HECW2: variants seen among roughly 807,000 people sequenced by gnomAD.
HECW2 encodes HECT, C2 and WW domain containing E3 ubiquitin protein ligase 2.
A neutral mutation model predicts 175.2 loss-of-function variants in HECW2; 61 were observed. The ratio of observed to expected loss-of-function variants is 0.35; its 90% CI spans 0.28 to 0.43. The LOEUF is 0.43. HECW2 is among the 20% of genes least tolerant of loss of function. The pLI, the probability that HECW2 is intolerant of heterozygous loss-of-function variation, is 1.00. For synonymous variants in HECW2, 671 were observed against 731.0 expected (o/e 0.92, Z 1.32); for missense variants, 1,524 against 2,000.5 (o/e 0.76, Z 4.54).
chr2:196,540,969 T>G (rs1371591669), intron 1 of HECW2, among the ~76,000 whole-genome samples: 1 of 152,204 alleles, frequency 6.6e-6, no homozygotes, highest in Non-Finnish European at 1.5e-5. Context: ...GCCAAGAGAC[T>G]GAACATAAAG....
chr2:196,244,259 G>A (rs1380769584), intron 19 of HECW2, among the ~76,000 whole-genome samples: 3 of 152,168 alleles, frequency 2.0e-5, no homozygotes, highest in Non-Finnish European at 2.9e-5. Flanking sequence ...TCCTGAACTA[G>A]GTATACAGAC....
In HECW2 at chr2:196,334,416, G is replaced by A. The variant is rs370169067; in HGVS notation, c.495+8C>T. On this transcript the variant is annotated splice_region_variant and intron_variant, in intron 4 of 28. Transcript: ENST00000644978. ...CTCACAAGGAAGCTGGCAGCGAGGG[G>A]CACTCACCATCACAGCTGGGTTCTT... The A allele has an allele frequency of 1.3e-4, 206 of 1,598,342 alleles. No homozygotes were observed. The highest frequency in any genetic ancestry group is 1.7e-4 in the Non-Finnish European group (194 of 1,171,532).
chr2:196,418,485 G>T (rs1376161310), intron 2 of HECW2, among the ~76,000 whole-genome samples: 53 of 152,060 alleles, frequency 3.5e-4, no homozygotes. Context: ...TGTACTAGAG[G>T]TATAATAACT....
intron 26 of HECW2, 151 bp downstream of exon 26, chr2:196,219,888 T>A (rs1029264052): frequency 1.2e-4 from 76 of 609,556 alleles, no homozygotes; most frequent in Middle Eastern, 4.2e-4. Context: ...AAGAAGAGAA[T>A]GTACCTTGCC....
chr2:196,525,441 T>C (rs1486039453), intron 1 of HECW2, among the ~76,000 whole-genome samples: 27 of 149,864 alleles, frequency 1.8e-4, no homozygotes, highest in Non-Finnish European at 2.7e-4. Context: ...AATTTGCCAG[T>C]CTGTGTCTTT....
intron 1 of HECW2, among the ~76,000 whole-genome samples, chr2:196,551,709 T>C (rs1209975706): frequency 1.3e-5 from 2 of 152,224 alleles, no homozygotes; most frequent in Admixed American, 6.5e-5. Flanking sequence ...AACATGACTA[T>C]TAATTTCTTT....
chr2:196,462,905 T>G (rs1361625994), intron 1 of HECW2, among the ~76,000 whole-genome samples: 3 of 152,110 alleles, frequency 2.0e-5, no homozygotes, highest in Non-Finnish European at 4.4e-5. Flanking sequence ...TCTCACTTAT[T>G]CATTATCCCC....
rs1446047038 is a variant in HECW2 at position 196,307,938 on chromosome 2, C to T, written c.2582G>A (p.Arg861Gln). 2.6e-6 allele frequency: 4 copies of T among 1,536,522 alleles called. No individual in the cohort carries two copies. The highest frequency in any genetic ancestry group is 2.3e-5 in the East Asian group (1 of 43,004). ...ACAGCAAAATGTTCATCCTCACCGC[C>T]GGTTCAGCTGCTCCATTTGCTGTAT... is the stretch of plus-strand genomic sequence containing the variant. ...NSIQQMEQLN[R>Q]RYQSIRRTMT... The change falls in exon 11 of 29, where the codon CGG (arginine) becomes CAG (glutamine). Residue 861 changes from arginine to glutamine, a missense_variant. Physicochemically the swap from Arg to Gln is conservative, Grantham distance 43. Coordinates refer to ENST00000644978, the MANE Select transcript of HECW2 (RefSeq NM_001348768.2).
intron 1 of HECW2, among the ~76,000 whole-genome samples, chr2:196,464,494 C>T (rs1419221676): frequency 6.6e-6 from 1 of 152,132 alleles, no homozygotes; most frequent in Non-Finnish European, 1.5e-5. Flanking sequence ...ACATTCAATC[C>T]TCTTTCTACT....
chr2:196,245,393 A>G (rs1291755352), intron 19 of HECW2, among the ~76,000 whole-genome samples: 1 of 152,212 alleles, frequency 6.6e-6, no homozygotes, highest in African/African-American at 2.4e-5. Context: ...ATTTGAGCCA[A>G]GTCTATCTAC....
rs1428435271 is a variant in HECW2 at position 196,195,881 on chromosome 2, T to C, written c.*5396A>G. The C allele has an allele frequency of 6.6e-6, 1 of 152,174 alleles. No individual in the cohort carries two copies. The highest frequency in any genetic ancestry group is 1.5e-5 in the Non-Finnish European group (1 of 68,024). The allele number at this position is 152,174 out of a possible 1,614,324, so 9.4% of individuals were successfully genotyped here. A position where few individuals can be genotyped will look rare whatever the true frequency, so the allele number is the denominator to read the frequency against. ...AAATTCCACTTTGCAATACAGAAAA[T>C]GTTAAATTACTGAAGTTATAAAATG... is the stretch of plus-strand genomic sequence containing the variant. On this transcript the variant is annotated 3_prime_UTR_variant, in exon 29 of 29. Transcript: ENST00000644978.
Position 196,412,982 on chromosome 2 carries a change from C to T in HECW2, c.292+20150G>A, listed in dbSNP as rs530929335. Among the ~76,000 whole-genome samples, 12 of 152,294 alleles carry T rather than the reference C, an allele frequency of 7.9e-5. No individual in the cohort carries two copies. In the South Asian group the frequency reaches 2.3e-3, roughly 29 times the overall value. On this transcript the variant is annotated intron_variant, in intron 2 of 28. Coordinates refer to ENST00000644978, the MANE Select transcript of HECW2 (RefSeq NM_001348768.2). ...GTAAGCAACTTAACCTGTTAACTTC[C>T]TCCTCTGGTTCCCACCATCAGGTGG...
At chr2:196,250,080 C>T (rs749780233) in intron 19 of HECW2, among the ~76,000 whole-genome samples, 3 of 152,072 alleles carry the variant, frequency 2.0e-5, no homozygotes, top group South Asian at 4.2e-4. Flanking sequence ...TTAAAGAGCA[C>T]GGAAGGGGCA....
At chr2:196,334,244 G>A (rs941074089) in intron 4 of HECW2, among the ~76,000 whole-genome samples, 180 bp downstream of exon 4, 3 of 152,140 alleles carry the variant, frequency 2.0e-5, no homozygotes, top group Non-Finnish European at 2.9e-5. Context: ...CCACTGATTC[G>A]AATTAGGGAT....
At chr2:196,303,538 G>A (rs1014058731) in intron 13 of HECW2, among the ~76,000 whole-genome samples, 14 of 151,942 alleles carry the variant, frequency 9.2e-5, no homozygotes, top group Non-Finnish European at 1.6e-4. Flanking sequence ...ATCTGATCCC[G>A]GGCTTTTTTT....
chr2:196,549,326 T>C (rs1323368534), intron 1 of HECW2, among the ~76,000 whole-genome samples: 1 of 152,248 alleles, frequency 6.6e-6, no homozygotes, highest in Non-Finnish European at 1.5e-5. Context: ...GGTCTCACTA[T>C]CGTTACTTTA....
chr2:196,376,028 A>G (rs1694042320), intron 2 of HECW2, among the ~76,000 whole-genome samples: 2 of 152,212 alleles, frequency 1.3e-5, no homozygotes, highest in Admixed American at 6.5e-5. Context: ...CAGGCTCAGA[A>G]CCACGTTTTA....
chr2:196,472,037 T>C (rs921470879), intron 1 of HECW2, among the ~76,000 whole-genome samples: 1 of 149,540 alleles, frequency 6.7e-6, no homozygotes, highest in Non-Finnish European at 1.5e-5. Flanking sequence ...GACGAATGGA[T>C]ATACTGTGGC....
In HECW2 at chr2:196,278,671, C is replaced by T; in HGVS notation, c.3001-9G>A. ...TGGTCCACAAAGAATGCCTAGGATA[C>T]AATACACTGAGTCAAATACATGCCG... On this transcript the variant is annotated splice_polypyrimidine_tract_variant and intron_variant, in intron 14 of 28. Coordinates refer to ENST00000644978, the MANE Select transcript of HECW2 (RefSeq NM_001348768.2). 4 of 1,613,576 alleles carry T rather than the reference C, an allele frequency of 2.5e-6. No individual in the cohort carries two copies. Among genetic ancestry groups the T allele is most frequent in the Non-Finnish European group, 3.4e-6 (4 of 1,179,636 alleles).
Sources: allele counts gnomAD v4.1 joint callset (sites outside exome capture counted in the v4.1 genomes callset), GRCh38; gene constraint gnomAD v4.1.1; transcripts MANE v1.5; gene names NCBI Gene and HGNC (gene_info 2026-07-23, HGNC 2026-07-21).